The following DENND2A variants were observed in gnomAD, a reference collection of about 807,000 sequenced individuals.
DENND2A encodes the protein DENN domain-containing protein 2A.
DENND2A carries 53 observed loss-of-function variants against 105.3 expected under a neutral mutation model. The observed-to-expected ratio is 0.50, with a 90% CI of 0.40 to 0.63. The LOEUF (loss-of-function observed/expected upper bound fraction) is 0.63, where lower values mean the gene tolerates loss of function less well. Ranked by LOEUF, DENND2A falls within the 30% of genes least tolerant of loss-of-function variation. The pLI is 0.00. For missense variants in DENND2A, 1,138 were observed against 1,279.6 expected, an observed-to-expected ratio of 0.89 and a Z score of 1.69; for synonymous variants, 522 against 508.4, an observed-to-expected ratio of 1.03 and a Z score of -0.36.
At chr7:140,556,980 G>A (rs1797388791) in intron 11 of DENND2A, among the ~76,000 whole-genome samples, 1 of 151,922 alleles carries the variant, frequency 6.6e-6, no homozygotes. Flanking sequence ...AATTATTTGA[G>A]TCTTCTCTCC....
intron 2 of DENND2A, among the ~76,000 whole-genome samples, chr7:140,603,441 A>G (rs73165440): frequency 8.5e-4 from 130 of 152,338 alleles, no homozygotes; most frequent in Non-Finnish European, 1.6e-3. Context: ...CTACCCCTGA[A>G]CTTGACAAAT....
chr7:140,569,525 T>C (rs1798002269), intron 7 of DENND2A, 120 bp downstream of exon 7: 1 of 762,010 alleles, frequency 1.3e-6, no homozygotes, highest in South Asian at 1.5e-5. Context: ...TGCGGGACAT[T>C]TACAAAGCAT....
rs539051117 is a variant in DENND2A, at chr7:140,523,687, G to A, written c.2548-263C>T. ...CTGCCTCCCGGATTCAAGCAATTCT[G>A]CCTCAGCCTCCCAAGTAGCTGGAAC... is the stretch of plus-strand genomic sequence containing the variant. On this transcript the variant is annotated intron_variant, in intron 16 of 19. Coordinates refer to ENST00000496613, the MANE Select transcript of DENND2A (RefSeq NM_015689.5). The surrounding 1 kb of genome is among the most constrained non-coding windows in gnomAD (Gnocchi z 4.5). Among the ~76,000 whole-genome samples the A allele has an allele frequency of 2.6e-5, 4 of 152,170 alleles. No homozygotes were observed. The highest frequency in any genetic ancestry group is 9.6e-5 in the African/African-American group (4 of 41,518).
chr7:140,585,804 C>G, intron 4 of DENND2A, 94 bp from the exon 5 acceptor site: 1 of 1,568,242 alleles, frequency 6.4e-7, no homozygotes, highest in South Asian at 1.2e-5. Context: ...TCTCCTGTGT[C>G]CATTCTTGTA....
At position 140,525,902 on chromosome 7, in the gene DENND2A, T is replaced by C. The variant is rs551540587; in HGVS notation, c.2506-110A>G. Reference sequence around the variant, plus strand: ...TGCAGAGAGGCAGCTGGGGCGGGGCTGGAGGTGAGCCATTTGTGGTTTCCT... The same window carrying C: ...TGCAGAGAGGCAGCTGGGGCGGGGCCGGAGGTGAGCCATTTGTGGTTTCCT... On this transcript the variant is annotated intron_variant, in intron 15 of 19. Coordinates refer to ENST00000496613, the MANE Select transcript of DENND2A (RefSeq NM_015689.5). 19 of 864,006 alleles carry C rather than the reference T, an allele frequency of 2.2e-5. No homozygotes were observed. In the African/African-American group the frequency reaches 3.3e-4, roughly 15 times the overall value. 53.5% of individuals were successfully genotyped at this position (864,006 alleles called of 1,614,324 possible).
intron 18 of DENND2A, among the ~76,000 whole-genome samples, chr7:140,520,796 T>A (rs957408744): frequency 3.3e-5 from 5 of 151,706 alleles, no homozygotes; most frequent in Admixed American, 3.3e-4. Context: ...TGACCTCAGG[T>A]GATCTGCCCG....
intron 14 of DENND2A, among the ~76,000 whole-genome samples, chr7:140,528,508 G>A (rs1411303845): frequency 2.0e-5 from 3 of 151,960 alleles, no homozygotes; most frequent in Non-Finnish European, 2.9e-5. Context: ...GGTGGCTCAC[G>A]CCTGTAATCC....
At chr7:140,557,695 A>G (rs12056060) in intron 11 of DENND2A, among the ~76,000 whole-genome samples, 67,224 of 143,582 alleles carry the variant, frequency 0.47, 18,045 homozygotes, top group East Asian at 0.83. Flanking sequence ...GCGTGCCACC[A>G]TGCCCGGCTA....
chr7:140,518,505 C>T lies in DENND2A; in HGVS notation c.*202G>A. 2.0e-6 allele frequency: 1 copy of T among 491,576 alleles called. No homozygotes were observed. The highest frequency in any genetic ancestry group is 3.6e-6 in the Non-Finnish European group (1 of 274,808). The allele number at this position is 491,576 out of a possible 1,614,324, so 30.5% of individuals were successfully genotyped here. A position where few individuals can be genotyped will look rare whatever the true frequency, so the allele number is the denominator to read the frequency against. On this transcript the variant is annotated 3_prime_UTR_variant, in exon 20 of 20. Transcript: ENST00000496613. Reference sequence around the variant, plus strand: ...TTTGCATGTCGGCGACACGCCTGGTCTCGGGCTCCCTTTCTGGGGCTGTCC... The same window carrying T: ...TTTGCATGTCGGCGACACGCCTGGTTTCGGGCTCCCTTTCTGGGGCTGTCC...
At chr7:140,520,053 C>T (rs1192983890) in intron 18 of DENND2A, among the ~76,000 whole-genome samples, 5 of 152,146 alleles carry the variant, frequency 3.3e-5, no homozygotes. Flanking sequence ...CCTGTAATCC[C>T]AGCACTTTGG....
chr7:140,572,260 G>A (rs1798122884), intron 6 of DENND2A, among the ~76,000 whole-genome samples: 1 of 151,848 alleles, frequency 6.6e-6, no homozygotes, highest in South Asian at 2.1e-4. Flanking sequence ...TCCTATCTTG[G>A]CCTCCCAAAG....
intron 12 of DENND2A, 59 bp downstream of exon 12, chr7:140,555,577 A>G: frequency 6.8e-7 from 1 of 1,473,334 alleles, no homozygotes; most frequent in Non-Finnish European, 9.4e-7. Context: ...TATTCCCTGG[A>G]GCCCTCTAGA....
At chr7:140,556,399 C>G (rs113884334) in intron 11 of DENND2A, among the ~76,000 whole-genome samples, 1 of 151,736 alleles carries the variant, frequency 6.6e-6, no homozygotes, top group South Asian at 2.1e-4. Context: ...AGTGCAGCGA[C>G]GCGATCTCAG....
intron 12 of DENND2A, among the ~76,000 whole-genome samples, chr7:140,547,639 C>T (rs1462428955): frequency 6.6e-6 from 1 of 152,114 alleles, no homozygotes; most frequent in Non-Finnish European, 1.5e-5. Flanking sequence ...TAGGTACCTA[C>T]CCAAAAGAAG....
intron 13 of DENND2A, among the ~76,000 whole-genome samples, chr7:140,545,125 A>C (rs1796843427): frequency 6.6e-6 from 1 of 151,854 alleles, no homozygotes; most frequent in African/African-American, 2.4e-5. Flanking sequence ...AGTTTATAGG[A>C]CTTTTGAAAA....
chr7:140,599,385 GA>G (rs201071397), intron 3 of DENND2A, among the ~76,000 whole-genome samples: 12 of 149,618 alleles, frequency 8.0e-5, no homozygotes, highest in Admixed American at 1.3e-4. Flanking sequence ...GTTTGGTACT[GA>G]AAAAAAAATA....
At position 140,602,098 on chromosome 7, in the gene DENND2A, C is replaced by A. The variant is rs1382594837; in HGVS notation, c.300G>T (p.Arg100Ser). 1.9e-6 allele frequency: 3 copies of A among 1,614,066 alleles called. No individual in the cohort carries two copies. In the Admixed American group the frequency reaches 5.0e-5, roughly 27 times the overall value. The change falls in exon 3 of 20, where the codon AGG (arginine) becomes AGT (serine). Residue 100 changes from arginine (R) to serine (S), a missense_variant. Physicochemically the swap from Arg to Ser is moderately radical, Grantham distance 110. Around this residue, in one of 2 missense-constraint regions of DENND2A, gnomAD observed 511 missense variants for 499.9 expected, o/e 1.02. Transcript: ENST00000496613. ...CCTTCTCTGTGCTCTCTGTTCCTGG[C>A]CTCATTCCATTCTTAGCCTCTGTGA... is the stretch of plus-strand genomic sequence containing the variant. ...TQVTEAKNGM[R>S]PGTESTEKER...
At chr7:140,591,049 G>C (rs1798995515) in intron 3 of DENND2A, among the ~76,000 whole-genome samples, 1 of 152,134 alleles carries the variant, frequency 6.6e-6, no homozygotes, top group Admixed American at 6.6e-5. Flanking sequence ...TATAATCCTA[G>C]CACTTTGGGA....
rs563700193 is a variant in DENND2A, at chr7:140,578,084, G to A, written c.1246-4076C>T. On this transcript the variant is annotated intron_variant, in intron 5 of 19. Transcript: ENST00000496613. Reference sequence around the variant, plus strand: ...GCTCCCAGACACCCCTAATTGTATAGATCTCCGACTCATGATGGCACAGCA... The same window carrying A: ...GCTCCCAGACACCCCTAATTGTATAAATCTCCGACTCATGATGGCACAGCA... Among the ~76,000 whole-genome samples, 7 of 152,274 alleles carry A rather than the reference G, an allele frequency of 4.6e-5. 1 individual carries two copies. In the South Asian group the frequency reaches 1.5e-3, roughly 32 times the overall value.
Sources: allele counts gnomAD v4.1 joint callset (sites outside exome capture counted in the v4.1 genomes callset), GRCh38; gene constraint gnomAD v4.1.1; regional missense constraint gnomAD v4.1.1; non-coding constraint Gnocchi (gnomAD v3.1); transcripts MANE v1.5; gene names NCBI Gene and HGNC (gene_info 2026-07-23, HGNC 2026-07-21).